Variants in GRID1 observed in about 807,000 individuals in gnomAD.
GRID1 encodes the protein glutamate receptor ionotropic, delta-1.
Under a neutral mutation model 98.0 loss-of-function variants are expected in GRID1, and 28 were observed. The ratio of observed to expected loss-of-function variants is 0.29; its 90% CI spans 0.21 to 0.39. The LOEUF is 0.39. GRID1 is among the 10% of genes least tolerant of loss of function. The pLI, the probability that GRID1 is intolerant of heterozygous loss-of-function variation, is 1.00. For missense variants in GRID1, 1,111 were observed against 1,340.5 expected (o/e 0.83, Z 2.67); for synonymous variants, 553 against 538.5 (o/e 1.03, Z -0.37).
At chr10:85,647,181 C>G in intron 13 of GRID1, 21 bp downstream of exon 13, 1 of 1,608,150 alleles carries the variant, frequency 6.2e-7, no homozygotes, top group Non-Finnish European at 8.5e-7. Context: ...TGCACGTGCC[C>G]AAGCGCCAGC....
chr10:85,785,026 T>A (rs936664750), intron 8 of GRID1, among the ~76,000 whole-genome samples: 9 of 152,202 alleles, frequency 5.9e-5, no homozygotes, highest in African/African-American at 1.9e-4. Context: ...ATGCTCTCCC[T>A]TGTATGTAGA....
At chr10:85,762,094 C>G (rs1475914452) in intron 8 of GRID1, among the ~76,000 whole-genome samples, 1 of 152,198 alleles carries the variant, frequency 6.6e-6, no homozygotes, top group East Asian at 1.9e-4. Flanking sequence ...ATCCATCATG[C>G]TTCAGATTAA....
intron 4 of GRID1, among the ~76,000 whole-genome samples, chr10:85,960,851 C>T (rs1290880766): frequency 6.6e-6 from 1 of 152,174 alleles, no homozygotes; most frequent in African/African-American, 2.4e-5. Flanking sequence ...TCAGGGAAAA[C>T]ATTTCTTTTG....
chr10:85,907,268 C>T (rs563559236), intron 5 of GRID1, among the ~76,000 whole-genome samples: 1 of 152,240 alleles, frequency 6.6e-6, no homozygotes, highest in South Asian at 2.1e-4. Context: ...TGTATCACCA[C>T]ACCTGGCTAA....
In GRID1 at chr10:86,177,325, C is replaced by A. The variant is rs566703761; in HGVS notation, c.520+29039G>T. Among the ~76,000 whole-genome samples, 32 of 152,282 alleles carry A rather than the reference C, an allele frequency of 2.1e-4. No individual in the cohort carries two copies. In the East Asian group the frequency reaches 5.4e-3, roughly 26 times the overall value. On this transcript the variant is annotated intron_variant, in intron 3 of 15. Transcript: ENST00000327946. ...GCTTCTGAGCCACCCCGTGGGAAAA[C>A]CCTGCTCAACATTCAACTTACTTCT... is the stretch of plus-strand genomic sequence containing the variant.
intron 2 of GRID1, among the ~76,000 whole-genome samples, chr10:86,341,329 A>G (rs1017281582): frequency 2.0e-5 from 3 of 152,132 alleles, no homozygotes; most frequent in Non-Finnish European, 4.4e-5. Context: ...TGCACTGCCC[A>G]CTAAACAGTC....
Position 85,659,396 on chromosome 10 carries a change from A to T in GRID1, c.1998-11999T>A, listed in dbSNP as rs146878259. Among the ~76,000 whole-genome samples, 437 of 152,320 alleles carry T rather than the reference A, an allele frequency of 2.9e-3. 1 individual carries two copies. The highest frequency in any genetic ancestry group is 9.7e-3 in the African/African-American group (403 of 41,574). On this transcript the variant is annotated intron_variant, in intron 12 of 15. Transcript: ENST00000327946. ...CTCAGTGGTTGGATGGGGACCCCAA[A>T]GGAGGTGGACTCATGTGGCTGAGAA... is the stretch of plus-strand genomic sequence containing the variant.
At chr10:86,006,223 C>G (rs981585826) in intron 4 of GRID1, among the ~76,000 whole-genome samples, 1 of 152,060 alleles carries the variant, frequency 6.6e-6, no homozygotes, top group African/African-American at 2.4e-5. Context: ...GAGGACTATT[C>G]AATAAATAGG....
intron 12 of GRID1, among the ~76,000 whole-genome samples, chr10:85,666,226 A>G (rs1841018013): frequency 6.6e-6 from 1 of 152,238 alleles, no homozygotes; most frequent in African/African-American, 2.4e-5. Context: ...GAGGCCCAGC[A>G]TGGTTAGTCA....
chr10:86,052,932 T>C (rs1488914472), intron 4 of GRID1, among the ~76,000 whole-genome samples: 1 of 152,162 alleles, frequency 6.6e-6, no homozygotes, highest in Admixed American at 6.5e-5. Context: ...GATCTAGAAA[T>C]CTTTTTAAAG....
intron 2 of GRID1, among the ~76,000 whole-genome samples, chr10:86,327,214 T>C (rs1848064101): frequency 6.6e-6 from 1 of 152,204 alleles, no homozygotes; most frequent in South Asian, 2.1e-4. Context: ...CATCCTTACA[T>C]TTATGCTATA....
intron 15 of GRID1, among the ~76,000 whole-genome samples, chr10:85,612,652 A>T (rs1371805164): frequency 6.6e-6 from 1 of 151,968 alleles, no homozygotes; most frequent in East Asian, 1.9e-4. Flanking sequence ...CTGCTGGCAA[A>T]GCATCACCAC....
chr10:86,345,516 A>G (rs1384783372), intron 2 of GRID1, among the ~76,000 whole-genome samples: 2 of 152,222 alleles, frequency 1.3e-5, no homozygotes, highest in African/African-American at 2.4e-5. Context: ...GATGGGCCTC[A>G]GCCATGTAGA....
chr10:86,071,915 G>A (rs1433961300), intron 4 of GRID1, among the ~76,000 whole-genome samples: 1 of 152,212 alleles, frequency 6.6e-6, no homozygotes, highest in Non-Finnish European at 1.5e-5. Flanking sequence ...ATGTTGAAGG[G>A]TGAAAGGAAT....
chr10:86,263,564 C>T (rs1847054836), intron 2 of GRID1, among the ~76,000 whole-genome samples: 1 of 152,216 alleles, frequency 6.6e-6, no homozygotes, highest in South Asian at 2.1e-4. Context: ...AAACCCCGTC[C>T]TAGACCCCAC....
intron 2 of GRID1, among the ~76,000 whole-genome samples, chr10:86,314,849 A>T (rs1158009140): frequency 6.6e-6 from 1 of 152,158 alleles, no homozygotes; most frequent in Non-Finnish European, 1.5e-5. Context: ...GAGCATCAGA[A>T]AGGCCACATG....
chr10:85,826,820 G>C (rs1408374900), intron 8 of GRID1, among the ~76,000 whole-genome samples: 2 of 152,142 alleles, frequency 1.3e-5, no homozygotes, highest in Admixed American at 1.3e-4. Flanking sequence ...TGGGGGCCTG[G>C]CACCAAGCCT....
chr10:85,869,125 G>A lies in GRID1; in HGVS notation c.836C>T (p.Thr279Ile), dbSNP rs757197628. 2 of 1,613,904 alleles carry A rather than the reference G, an allele frequency of 1.2e-6. No individual in the cohort carries two copies. Among genetic ancestry groups the A allele is most frequent in the African/African-American group, 1.3e-5 (1 of 75,036 alleles). The change falls in exon 6 of 16, where the codon ACC (threonine) becomes ATC (isoleucine). Residue 279 changes from threonine (T) to isoleucine (I), a missense_variant. Physicochemically the swap from Thr to Ile is moderately conservative, Grantham distance 89. This residue lies in a region of GRID1 where 346 missense variants were observed against 452.3 expected (regional missense o/e 0.76). Transcript: ENST00000327946. Reference sequence around the variant, plus strand: ...AGACGGAAAGATTTGCCGGACCACGGTCATCCTTCCAAGGGCACTATGGAC... The same window carrying A: ...AGACGGAAAGATTTGCCGGACCACGATCATCCTTCCAAGGGCACTATGGAC... The part of the protein sequence containing the change: ...DLVHSALGRM[T>I]VVRQIFPSAK...
intron 3 of GRID1, among the ~76,000 whole-genome samples, chr10:86,201,436 C>CCAAA (rs1366498527): frequency 1.3e-5 from 2 of 151,994 alleles, no homozygotes; most frequent in East Asian, 3.9e-4. Context: ...GAACAGAAAA[C>CCAAA]CAAATATAGC....
Sources: gnomAD v4.1 joint callset for allele counts (sites outside exome capture counted in the v4.1 genomes callset) on GRCh38, gnomAD v4.1.1 for gene constraint, gnomAD v4.1.1 regional missense constraint, MANE v1.5 for transcripts, NCBI Gene and HGNC (gene_info 2026-07-23, HGNC 2026-07-21) for gene names.